The following YEATS2 variants were observed in gnomAD, a reference collection of about 807,000 sequenced individuals.
The protein encoded by YEATS2 is YEATS domain-containing protein 2.
Under a neutral mutation model 163.2 loss-of-function variants are expected in YEATS2, and 77 were observed. That is an observed-to-expected ratio of 0.47 (90% CI 0.39 to 0.57). YEATS2 has a LOEUF of 0.57. Among genes scored for constraint, YEATS2 ranks in the 20% least tolerant of loss-of-function variants. The pLI, the probability that YEATS2 is intolerant of heterozygous loss-of-function variation, is 0.00. For synonymous variants in YEATS2, 631 were observed against 645.1 expected (o/e 0.98, Z 0.33); for missense variants, 1,549 against 1,729.8 (o/e 0.90, Z 1.85).
chr3:183,790,294 T>C (rs1724485430), intron 20 of YEATS2, among the ~76,000 whole-genome samples: 1 of 152,242 alleles, frequency 6.6e-6, no homozygotes, highest in African/African-American at 2.4e-5. Context: ...GTAGCATCAT[T>C]ATACTTAGGT....
intron 1 of YEATS2, among the ~76,000 whole-genome samples, chr3:183,703,766 G>T (rs1485167022): frequency 1.3e-5 from 2 of 152,058 alleles, no homozygotes; most frequent in African/African-American, 4.8e-5. Flanking sequence ...GGGAAGAGTG[G>T]ATGGTGTTGG....
rs1173339870 is a variant in YEATS2 at position 183,775,958 on chromosome 3, A to C, written c.2412A>C (p.Gly804=). Residue 804 remains glycine (G), a synonymous_variant, in exon 18 of 31, where the codon GGA becomes GGC. Transcript: ENST00000305135. ...CTGCCAGTGGTGGGAGTGGTGCCGG[A>C]GGAGGAGGAGGAGGAGGAGGAGGAG... is the stretch of plus-strand genomic sequence containing the variant. ...GSAASGGSGA[G]GGGGGGGGGG... 2.4e-6 allele frequency: 1 copy of C among 412,680 alleles called. No individual in the cohort carries two copies. Among genetic ancestry groups the C allele is most frequent in the South Asian group, 5.5e-5 (1 of 18,150 alleles). The allele number at this position is 412,680 out of a possible 1,614,324, so 25.6% of individuals were successfully genotyped here. A position where few individuals can be genotyped will look rare whatever the true frequency, so the allele number is the denominator to read the frequency against.
intron 11 of YEATS2, among the ~76,000 whole-genome samples, chr3:183,755,205 T>C (rs1174132649): frequency 1.3e-5 from 2 of 152,000 alleles, no homozygotes; most frequent in Non-Finnish European, 2.9e-5. Context: ...AGCCTCCACC[T>C]CTCTCGGGTT....
intron 1 of YEATS2, among the ~76,000 whole-genome samples, chr3:183,700,511 A>T (rs1713944602): frequency 6.6e-6 from 1 of 151,888 alleles, no homozygotes; most frequent in South Asian, 2.1e-4. Context: ...CTGTCGTGAT[A>T]CCCAGTAGAT....
At chr3:183,800,054 G>A (rs932396087) in intron 23 of YEATS2, among the ~76,000 whole-genome samples, 2 of 151,934 alleles carry the variant, frequency 1.3e-5, no homozygotes, top group Non-Finnish European at 2.9e-5. Flanking sequence ...GGATGGTCTT[G>A]ATCTCCTGAC....
intron 8 of YEATS2, among the ~76,000 whole-genome samples, chr3:183,743,299 GTTGGT>G (rs749082339): frequency 1.1e-4 from 17 of 152,104 alleles, no homozygotes; most frequent in Non-Finnish European, 4.4e-5. Context: ...CCTGTTTTTG[GTTGGT>G]TTTCTCAAAT....
chr3:183,724,470 C>G lies in YEATS2; in HGVS notation c.589C>G (p.Leu197Val), dbSNP rs200719432. 1 of 1,613,902 alleles carries G rather than the reference C, an allele frequency of 6.2e-7. No homozygotes were observed. Residue 197 changes from leucine (L) to valine (V), a missense_variant, in exon 6 of 31, where the codon CTC (leucine) becomes GTC (valine). Transcript: ENST00000305135. ...SHKTEQRNAD[L>V]TDETSRLFVK... Reference sequence around the variant, plus strand: ...TAAAACAGAACAGCGGAATGCTGATCTCACAGATGAGACTTCACGACTTTT... The same window carrying G: ...TAAAACAGAACAGCGGAATGCTGATGTCACAGATGAGACTTCACGACTTTT...
At chr3:183,699,927 T>C (rs1713882094) in intron 1 of YEATS2, among the ~76,000 whole-genome samples, 1 of 152,168 alleles carries the variant, frequency 6.6e-6, no homozygotes, top group Non-Finnish European at 1.5e-5. Context: ...GGGAACCGGA[T>C]GTGAGGAAAT....
intron 4 of YEATS2, among the ~76,000 whole-genome samples, chr3:183,719,847 G>A (rs916308507): frequency 6.6e-6 from 1 of 152,030 alleles, no homozygotes; most frequent in Admixed American, 6.6e-5. Context: ...GAGTAGCTAG[G>A]ACTGCAGCTT....
chr3:183,739,079 T>G (rs1718675911), intron 8 of YEATS2, among the ~76,000 whole-genome samples: 1 of 150,808 alleles, frequency 6.6e-6, no homozygotes, highest in African/African-American at 2.4e-5. Flanking sequence ...TTCCTGACTT[T>G]TTAATGATTG....
At chr3:183,731,924 C>T (rs1173410498) in intron 7 of YEATS2, among the ~76,000 whole-genome samples, 1 of 152,150 alleles carries the variant, frequency 6.6e-6, no homozygotes, top group African/African-American at 2.4e-5. Context: ...GCAAACCAAA[C>T]TTTATTAACA....
intron 1 of YEATS2, 52 bp downstream of exon 1, chr3:183,698,045 C>T (rs1453549972): frequency 6.6e-6 from 1 of 152,054 alleles, no homozygotes; most frequent in Non-Finnish European, 1.5e-5. Flanking sequence ...GCCCCGCTCT[C>T]CGGGGCATTG....
At chr3:183,730,381 A>T (rs1052039458) in intron 7 of YEATS2, among the ~76,000 whole-genome samples, 2 of 151,980 alleles carry the variant, frequency 1.3e-5, no homozygotes, top group South Asian at 2.1e-4. Context: ...GATTGTATAA[A>T]TGCACTGTGG....
chr3:183,810,374 G>A lies in YEATS2; in HGVS notation c.4161-101G>A, dbSNP rs1726678646. 4.7e-6 allele frequency: 5 copies of A among 1,068,748 alleles called. No individual in the cohort carries two copies. The African/African-American group carries it at 6.3e-5, about 13-fold the overall frequency. The allele number at this position is 1,068,748 out of a possible 1,614,324, so 66.2% of individuals were successfully genotyped here. On this transcript the variant is annotated intron_variant, in intron 30 of 30. Transcript: ENST00000305135. ...TGTGGCTCAGGAGCCCTCTCCACGG[G>A]GCCTCTGCCTGGGATGGTCCCTGTG...
At chr3:183,724,827 C>A (rs1051806786) in intron 6 of YEATS2, among the ~76,000 whole-genome samples, 3 of 152,072 alleles carry the variant, frequency 2.0e-5, no homozygotes, top group Non-Finnish European at 4.4e-5. Context: ...ACCGCAACCT[C>A]CCCCCGCCCG....
intron 17 of YEATS2, 60 bp downstream of exon 17, chr3:183,773,854 G>A (rs533903687): frequency 1.3e-6 from 2 of 1,521,602 alleles, no homozygotes; most frequent in East Asian, 2.4e-5. Context: ...TGTTCATCTT[G>A]TCCATCTGAG....
intron 7 of YEATS2, among the ~76,000 whole-genome samples, chr3:183,732,591 G>T (rs907988706): frequency 1.3e-5 from 2 of 150,636 alleles, no homozygotes; most frequent in South Asian, 4.2e-4. Flanking sequence ...ACAGAGTCTC[G>T]CTCTGCTGCC....
At chr3:183,795,857 A>G (rs1725097509) in intron 21 of YEATS2, among the ~76,000 whole-genome samples, 1 of 152,118 alleles carries the variant, frequency 6.6e-6, no homozygotes, top group Non-Finnish European at 1.5e-5. Context: ...ACACTCTTCT[A>G]TTCCAAAGAA....
At chr3:183,749,100 G>A (rs1480981909) in intron 9 of YEATS2, among the ~76,000 whole-genome samples, 4 of 151,900 alleles carry the variant, frequency 2.6e-5, no homozygotes, top group Non-Finnish European at 4.4e-5. Flanking sequence ...CCGCCACCAC[G>A]CCCGGCTAAT....
Sources: gnomAD v4.1 joint callset for allele counts (sites outside exome capture counted in the v4.1 genomes callset) on GRCh38, gnomAD v4.1.1 for gene constraint, MANE v1.5 for transcripts, NCBI Gene and HGNC (gene_info 2026-07-23, HGNC 2026-07-21) for gene names.